Variants in CDH17 observed in about 807,000 individuals in gnomAD.
The protein encoded by CDH17 is cadherin 17, also known as cadherin-17.
A neutral mutation model predicts 86.3 loss-of-function variants in CDH17; 67 were observed. That is an observed-to-expected ratio of 0.78 (90% CI 0.64 to 0.95). CDH17 has a LOEUF of 0.95. CDH17 is among the 40% of genes least tolerant of loss of function. CDH17 has a pLI of 0.00. For synonymous variants in CDH17, 367 were observed against 366.4 expected (o/e 1.00, Z -0.02); for missense variants, 993 against 1,017.6 (o/e 0.98, Z 0.33).
At chr8:94,152,195 A>G (rs906418784) in intron 12 of CDH17, 83 bp from the exon 13 acceptor site, 2 of 1,401,132 alleles carry the variant, frequency 1.4e-6, no homozygotes, top group Non-Finnish European at 2.0e-6. Flanking sequence ...TTAAACTCTC[A>G]TATATTCGAT....
At chr8:94,195,107 T>C (rs947648551) in intron 1 of CDH17, among the ~76,000 whole-genome samples, 9 of 152,182 alleles carry the variant, frequency 5.9e-5, no homozygotes, top group African/African-American at 1.9e-4. Context: ...GTTCAAGCAG[T>C]TCTCCCACCT....
chr8:94,158,429 A>C (rs1304045935), intron 12 of CDH17, among the ~76,000 whole-genome samples: 2 of 152,104 alleles, frequency 1.3e-5, no homozygotes, highest in African/African-American at 4.8e-5. Context: ...GGCCAAGTTA[A>C]ACTGCTGTTC....
intron 4 of CDH17, 92 bp from the exon 5 acceptor site, chr8:94,176,771 C>T: frequency 7.7e-7 from 1 of 1,292,020 alleles, no homozygotes; most frequent in Middle Eastern, 1.9e-4. Context: ...ACTCAAAGAA[C>T]CAATGGCCTG....
chr8:94,170,765 T>C (rs1754246689), intron 8 of CDH17, 89 bp downstream of exon 8: 1 of 1,483,736 alleles, frequency 6.7e-7, no homozygotes, highest in Non-Finnish European at 9.1e-7. Context: ...TGTTTTTTTT[T>C]TCTTTAAAGT....
intron 1 of CDH17, among the ~76,000 whole-genome samples, chr8:94,205,640 T>C (rs1356384988): frequency 6.6e-6 from 1 of 152,136 alleles, no homozygotes; most frequent in African/African-American, 2.4e-5. Flanking sequence ...GGAAAATAAA[T>C]TTAATTCTGC....
At chr8:94,170,353 A>T (rs1466064414) in intron 9 of CDH17, 44 bp downstream of exon 9, 2 of 1,595,486 alleles carry the variant, frequency 1.3e-6, no homozygotes, top group Non-Finnish European at 1.7e-6. Flanking sequence ...AGAGGAGAGA[A>T]ATGGAGGGCA....
intron 15 of CDH17, among the ~76,000 whole-genome samples, chr8:94,137,191 T>C (rs2130575992): frequency 6.6e-6 from 1 of 152,270 alleles, no homozygotes; most frequent in East Asian, 1.9e-4. Context: ...CAGACAGGGA[T>C]GTTTAAGTCT....
chr8:94,209,619 G>GT (rs1161726679), upstream of CDH17, among the ~76,000 whole-genome samples: 1 of 152,174 alleles, frequency 6.6e-6, no homozygotes, highest in African/African-American at 2.4e-5. Flanking sequence ...CATGCCAGCT[G>GT]TTAACATCCT....
Position 94,180,692 on chromosome 8 carries a change from G to A in CDH17, c.151-2971C>T, listed in dbSNP as rs752641291. 5.3e-5 allele frequency among the ~76,000 whole-genome samples: 8 copies of A among 152,144 alleles called. No individual in the cohort carries two copies. In the East Asian group the frequency reaches 9.7e-4, roughly 18 times the overall value. Reference sequence around the variant, plus strand: ...TGGGCAGTCACGAGATTAGGAGATCGAGACCTTCCTGGCTAACACGGTGAA... The same window carrying A: ...TGGGCAGTCACGAGATTAGGAGATCAAGACCTTCCTGGCTAACACGGTGAA... On this transcript the variant is annotated intron_variant, in intron 3 of 17. Coordinates refer to ENST00000027335, the MANE Select transcript of CDH17 (RefSeq NM_004063.4).
chr8:94,176,812 GGCCAAATTGGGAAAT>G, intron 4 of CDH17, 133 bp from the exon 5 acceptor site: 1 of 801,720 alleles, frequency 1.2e-6, no homozygotes. Flanking sequence ...ACTCACAAAA[GGCCAAATTGGGAAAT>G]GCTAAAACAG....
At chr8:94,156,818 G>C (rs1056246335) in intron 12 of CDH17, among the ~76,000 whole-genome samples, 1 of 152,204 alleles carries the variant, frequency 6.6e-6, no homozygotes, top group South Asian at 2.1e-4. Context: ...TGCTGTGTTA[G>C]GAACTATACA....
intron 3 of CDH17, among the ~76,000 whole-genome samples, chr8:94,179,046 T>TAAAA (rs3033905): frequency 3.2e-4 from 44 of 139,028 alleles, no homozygotes; most frequent in African/African-American, 5.5e-4. Context: ...GAATGTTTAT[T>TAAAA]AAAAAAAAAA....
At chr8:94,183,891 T>C (rs1813528565) in intron 3 of CDH17, among the ~76,000 whole-genome samples, 1 of 152,062 alleles carries the variant, frequency 6.6e-6, no homozygotes, top group Admixed American at 6.5e-5. Flanking sequence ...TGATTAAAAG[T>C]AGGCAAAGGA....
intron 15 of CDH17, among the ~76,000 whole-genome samples, chr8:94,132,831 A>G (rs1370765478): frequency 6.6e-6 from 1 of 152,146 alleles, no homozygotes; most frequent in Non-Finnish European, 1.5e-5. Context: ...TCCATCTTGA[A>G]TTAATTTTTG....
intron 2 of CDH17, among the ~76,000 whole-genome samples, 189 bp downstream of exon 2, chr8:94,194,444 CAT>C (rs1163899288): frequency 1.3e-5 from 2 of 152,198 alleles, no homozygotes; most frequent in Admixed American, 1.3e-4. Context: ...CGAGGGCAGA[CAT>C]GTGATTTGTA....
intron 3 of CDH17, among the ~76,000 whole-genome samples, chr8:94,185,727 A>T (rs1042747530): frequency 6.6e-6 from 1 of 152,198 alleles, no homozygotes; most frequent in African/African-American, 2.4e-5. Context: ...ATTTTTTTAC[A>T]TCAGTGAATT....
intron 3 of CDH17, among the ~76,000 whole-genome samples, chr8:94,179,650 C>A (rs1813440650): frequency 6.6e-6 from 1 of 152,214 alleles, no homozygotes; most frequent in African/African-American, 2.4e-5. Flanking sequence ...TGTGTCCCAA[C>A]ATGCACACAG....
In CDH17 at chr8:94,162,104, G is replaced by A. The variant is rs1299819015; in HGVS notation, c.1341C>T (p.Pro447=). ...INVIDINDQI[P]IFEKSDYGNL... ...TACTCACATCTGATTTTTCAAAGAT[G>A]GGGATCTGATCATTGATATCAATAA... The change falls in exon 11 of 18, where the codon CCC becomes CCT. Residue 447 remains proline (P), a synonymous_variant. Coordinates refer to ENST00000027335, the MANE Select transcript of CDH17 (RefSeq NM_004063.4). 1.3e-6 allele frequency: 2 copies of A among 1,597,424 alleles called. No homozygotes were observed. The highest frequency in any genetic ancestry group is 1.7e-6 in the Non-Finnish European group (2 of 1,165,092).
At chr8:94,175,626 G>A (rs575276095) in intron 5 of CDH17, among the ~76,000 whole-genome samples, 1 of 152,132 alleles carries the variant, frequency 6.6e-6, no homozygotes, top group East Asian at 1.9e-4. Context: ...TCCTTCCTAG[G>A]TGCCTGCTGG....
Sources: gnomAD v4.1 joint callset for allele counts (sites outside exome capture counted in the v4.1 genomes callset) on GRCh38, gnomAD v4.1.1 for gene constraint, MANE v1.5 for transcripts, NCBI Gene and HGNC (gene_info 2026-07-23, HGNC 2026-07-21) for gene names.